The following CLDN16 variants were observed in gnomAD, a reference collection of about 807,000 sequenced individuals.
CLDN16 encodes the protein claudin-16.
Under a neutral mutation model 24.6 loss-of-function variants are expected in CLDN16, and 13 were observed. That is an observed-to-expected ratio of 0.53 (90% CI 0.34 to 0.84). The LOEUF (loss-of-function observed/expected upper bound fraction) is 0.84, where lower values mean the gene tolerates loss of function less well. Ranked by LOEUF, CLDN16 falls within the 40% of genes least tolerant of loss-of-function variation. The pLI is 0.01. For missense variants in CLDN16, 298 were observed against 292.7 expected (o/e 1.02, Z -0.13); for synonymous variants, 116 against 106.7 (o/e 1.09, Z -0.54).
chr3:190,409,690 C>T (rs1331042282), intron 4 of CLDN16, among the ~76,000 whole-genome samples: 3 of 151,708 alleles, frequency 2.0e-5, no homozygotes, highest in Non-Finnish European at 2.9e-5. Flanking sequence ...AAAAAAATAA[C>T]AGGAAATCTA....
rs57481102 is a variant in CLDN16 at position 190,391,208 on chromosome 3, G to GTTTT, written c.114+2779_114+2782dup. 5.9e-5 allele frequency among the ~76,000 whole-genome samples: 8 copies of GTTTT among 135,770 alleles called. 1 individual carries two copies. Among genetic ancestry groups the GTTTT allele is most frequent in the Admixed American group, 1.5e-4 (2 of 13,510 alleles). 89.1% of individuals were successfully genotyped at this position (135,770 alleles called of 152,430 possible). A position where few individuals can be genotyped will look rare whatever the true frequency, so the allele number is the denominator to read the frequency against. On this transcript the variant is annotated intron_variant, in intron 1 of 4. Coordinates refer to ENST00000264734, the MANE Select transcript of CLDN16 (RefSeq NM_006580.4). ...TAAGAAGGAGTATTATACTTTTCCA[G>GTTTT]TTTTTTTTTTTTTTTTTAGTATATT... is the stretch of plus-strand genomic sequence containing the variant.
At chr3:190,328,088 C>T (rs571941570) in intron 1 of CLDN16, among the ~76,000 whole-genome samples, 5 of 148,946 alleles carry the variant, frequency 3.4e-5, no homozygotes, top group African/African-American at 1.3e-4. Flanking sequence ...TCGAGACTAG[C>T]CTGAACAAAA....
chr3:190,394,176 A>C (rs1718756933), intron 1 of CLDN16, among the ~76,000 whole-genome samples: 1 of 152,258 alleles, frequency 6.6e-6, no homozygotes. Flanking sequence ...AATTGAGATA[A>C]TAGCATTGTT....
intron 1 of CLDN16, among the ~76,000 whole-genome samples, chr3:190,343,759 G>A (rs912292518): frequency 1.3e-5 from 2 of 151,910 alleles, no homozygotes; most frequent in South Asian, 2.1e-4. Flanking sequence ...AAAATGGCAG[G>A]GGAGTCAAAT....
At chr3:190,320,935 G>A (rs765838453), upstream of CLDN16, among the ~76,000 whole-genome samples, 10 of 151,664 alleles carry the variant, frequency 6.6e-5, no homozygotes, top group East Asian at 1.9e-4. Flanking sequence ...ATGACTTTTC[G>A]GACAAGGAAC....
intron 1 of CLDN16, among the ~76,000 whole-genome samples, chr3:190,388,913 C>T (rs1041801068): frequency 6.6e-6 from 1 of 152,092 alleles, no homozygotes; most frequent in Non-Finnish European, 1.5e-5. Context: ...GCATGCAAAA[C>T]CTACCCAATT....
intron 1 of CLDN16, among the ~76,000 whole-genome samples, chr3:190,360,885 G>C (rs1717873159): frequency 6.6e-6 from 1 of 151,766 alleles, no homozygotes; most frequent in South Asian, 2.1e-4. Context: ...CACTTACAGA[G>C]AACTTTACAA....
chr3:190,334,169 G>A (rs115107960), intron 1 of CLDN16, among the ~76,000 whole-genome samples: 45 of 152,274 alleles, frequency 3.0e-4, no homozygotes, highest in African/African-American at 9.4e-4. Flanking sequence ...GAAATAACTT[G>A]TAGCAAACTG....
At chr3:190,398,473 A>C (rs370644602) in intron 1 of CLDN16, among the ~76,000 whole-genome samples, 155 of 152,252 alleles carry the variant, frequency 1.0e-3, no homozygotes, top group Non-Finnish European at 1.9e-3. Flanking sequence ...TCTCTCCTGC[A>C]TGTGTCTCTT....
intron 2 of CLDN16, among the ~76,000 whole-genome samples, chr3:190,374,288 T>C (rs1008333531): frequency 6.6e-6 from 1 of 151,234 alleles, no homozygotes; most frequent in East Asian, 2.0e-4. Flanking sequence ...TGTGTGTGTG[T>C]GTGTGTGTGT....
upstream of CLDN16, among the ~76,000 whole-genome samples, chr3:190,385,749 A>C (rs9834419): frequency 0.19 from 28,332 of 152,110 alleles, 3,079 homozygotes; most frequent in Middle Eastern, 0.28. Flanking sequence ...CAAAGATGGA[A>C]TTCTGATACC....
chr3:190,291,166 A>T, the CLDN16 span, among the ~76,000 whole-genome samples: 1 of 152,186 alleles, frequency 6.6e-6, no homozygotes, highest in Non-Finnish European at 1.5e-5. Flanking sequence ...TATCCCTTTG[A>T]TATCTGAGGA....
chr3:190,340,947 T>C (rs567349229), intron 1 of CLDN16, among the ~76,000 whole-genome samples: 2 of 152,142 alleles, frequency 1.3e-5, no homozygotes, highest in Non-Finnish European at 2.9e-5. Flanking sequence ...CCAAAATGAT[T>C]TCCTTTGACT....
At chr3:190,401,890 G>A (rs11927924) in intron 1 of CLDN16, among the ~76,000 whole-genome samples, 20,815 of 151,602 alleles carry the variant, frequency 0.14, 1,485 homozygotes, top group Middle Eastern at 0.21. Context: ...CTCAGTATTC[G>A]TGATAAAGAA....
At chr3:190,353,851 T>G (rs929038527) in intron 1 of CLDN16, among the ~76,000 whole-genome samples, 3 of 152,072 alleles carry the variant, frequency 2.0e-5, no homozygotes, top group Admixed American at 2.0e-4. Flanking sequence ...TGTACTAGTT[T>G]CCTGTGGCTG....
intron 1 of CLDN16, among the ~76,000 whole-genome samples, chr3:190,341,702 G>A (rs368412059): frequency 3.9e-5 from 6 of 152,030 alleles, no homozygotes; most frequent in Non-Finnish European, 8.8e-5. Context: ...ATTTCTCCCC[G>A]CAGAATGAGA....
At chr3:190,375,622 T>C (rs1023588681) in intron 3 of CLDN16, among the ~76,000 whole-genome samples, 4 of 151,964 alleles carry the variant, frequency 2.6e-5, no homozygotes. Flanking sequence ...AACCAGATAT[T>C]CATTAATGCA....
chr3:190,330,222 C>A (rs1717154681), intron 1 of CLDN16, among the ~76,000 whole-genome samples: 1 of 152,094 alleles, frequency 6.6e-6, no homozygotes, highest in South Asian at 2.1e-4. Flanking sequence ...ACTTGAACGA[C>A]CTTTTGTTTA....
chr3:190,299,009 C>A, the CLDN16 span, among the ~76,000 whole-genome samples: 1 of 152,078 alleles, frequency 6.6e-6, no homozygotes, highest in Admixed American at 6.6e-5. Flanking sequence ...TTTAAATTTA[C>A]AGTATAATGT....
Sources: allele counts gnomAD v4.1 joint callset (sites outside exome capture counted in the v4.1 genomes callset), GRCh38; gene constraint gnomAD v4.1.1; transcripts MANE v1.5; gene names NCBI Gene and HGNC (gene_info 2026-07-23, HGNC 2026-07-21).